Variants in HTR4 observed in about 807,000 individuals in gnomAD.
HTR4 encodes the protein 5-hydroxytryptamine receptor 4.
Under a neutral mutation model 36.8 loss-of-function variants are expected in HTR4, and 16 were observed. The observed-to-expected ratio is 0.43, with a 90% confidence interval of 0.29 to 0.66. HTR4 has a LOEUF of 0.66. HTR4 is among the 30% of genes least tolerant of loss of function. The pLI, the probability that HTR4 is intolerant of heterozygous loss-of-function variation, is 0.13. For missense variants in HTR4, 438 were observed against 490.9 expected (o/e 0.89, Z 1.02); for synonymous variants, 189 against 185.1 (o/e 1.02, Z -0.17).
In HTR4 at chr5:148,641,612, T is replaced by C. The variant is rs559172055; in HGVS notation, c.-47-4551A>G. On this transcript the variant is annotated intron_variant, in intron 1 of 6. Coordinates refer to ENST00000377888, the MANE Select transcript of HTR4 (RefSeq NM_000870.7). The stretch of plus-strand genomic sequence containing the variant: ...TCATAAAAGTAAAATTGCAGCAACA[T>C]ATAGCTCTATCAGATTCCCTTGAGC... Among the ~76,000 whole-genome samples, 5 of 152,336 alleles carry C rather than the reference T, an allele frequency of 3.3e-5. No homozygotes were observed. The South Asian group carries it at 1.0e-3, about 32-fold the overall frequency.
chr5:148,523,110 C>A, intron 5 of HTR4, 83 bp downstream of exon 5: 1 of 1,252,922 alleles, frequency 8.0e-7, no homozygotes, highest in Non-Finnish European at 1.1e-6. Context: ...TTAGAATACT[C>A]AATCTAATAT....
chr5:148,654,330 C>T lies in HTR4; in HGVS notation c.-316G>A, dbSNP rs1485403819. On this transcript the variant is annotated 5_prime_UTR_variant, in exon 1 of 7. Transcript: ENST00000377888. Reference sequence around the variant, plus strand: ...TCCTTCTCCCCAACCGAGCCGGACTCCACGGGCTCAACAGCCCCCAGCCCC... The same window carrying T: ...TCCTTCTCCCCAACCGAGCCGGACTTCACGGGCTCAACAGCCCCCAGCCCC... 1.0e-6 allele frequency: 1 copy of T among 984,714 alleles called. No individual in the cohort carries two copies. Among genetic ancestry groups the T allele is most frequent in the Admixed American group, 6.2e-5 (1 of 16,260 alleles). 61.0% of individuals were successfully genotyped at this position (984,714 alleles called of 1,614,324 possible). A position where few individuals can be genotyped will look rare whatever the true frequency, so the allele number is the denominator to read the frequency against.
intron 2 of HTR4, among the ~76,000 whole-genome samples, chr5:148,598,887 A>C (rs1561642102): frequency 6.6e-6 from 1 of 152,220 alleles, no homozygotes; most frequent in Non-Finnish European, 1.5e-5. Context: ...CATGTTCAAG[A>C]AAATAGACGA....
chr5:148,616,146 A>G (rs960459761), intron 2 of HTR4, among the ~76,000 whole-genome samples: 5 of 152,218 alleles, frequency 3.3e-5, no homozygotes, highest in Admixed American at 6.5e-5. Flanking sequence ...TTGTGAGTGA[A>G]CTGTCTTGAT....
At chr5:148,572,745 T>C (rs1386490943) in intron 2 of HTR4, among the ~76,000 whole-genome samples, 1 of 152,156 alleles carries the variant, frequency 6.6e-6, no homozygotes, top group Non-Finnish European at 1.5e-5. Flanking sequence ...TTTAGTACTC[T>C]TGACTCCAGT....
chr5:148,535,980 T>TAG (rs1369855969), intron 4 of HTR4, among the ~76,000 whole-genome samples: 1 of 150,846 alleles, frequency 6.6e-6, no homozygotes, highest in Admixed American at 6.6e-5. Context: ...TAAACACAGC[T>TAG]AGAGAGAGAG....
At chr5:148,650,136 T>A (rs893119343) in intron 1 of HTR4, among the ~76,000 whole-genome samples, 4 of 152,170 alleles carry the variant, frequency 2.6e-5, no homozygotes, top group Non-Finnish European at 4.4e-5. Flanking sequence ...TCATGTAAAA[T>A]GGGGTATTCA....
intron 1 of HTR4, among the ~76,000 whole-genome samples, chr5:148,649,942 A>T (rs763793769): frequency 3.3e-5 from 5 of 152,086 alleles, no homozygotes; most frequent in Non-Finnish European, 5.9e-5. Flanking sequence ...CAACATCATC[A>T]CCTGCGAACC....
chr5:148,606,888 T>G (rs1752187693), intron 2 of HTR4, among the ~76,000 whole-genome samples: 1 of 152,212 alleles, frequency 6.6e-6, no homozygotes, highest in South Asian at 2.1e-4. Flanking sequence ...TTAAAAGATT[T>G]GGATTCTTTA....
At chr5:148,642,971 A>G (rs1753772094) in intron 1 of HTR4, among the ~76,000 whole-genome samples, 1 of 152,182 alleles carries the variant, frequency 6.6e-6, no homozygotes, top group African/African-American at 2.4e-5. Flanking sequence ...GATTTAAAAA[A>G]AAAGAAGCCT....
At chr5:148,460,575 T>G (rs1217240494) in intron 5 of HTR4, among the ~76,000 whole-genome samples, 1 of 152,110 alleles carries the variant, frequency 6.6e-6, no homozygotes, top group African/African-American at 2.4e-5. Context: ...AATAAGAACT[T>G]TCTGGGACAA....
chr5:148,540,642 A>G (rs1463541646), intron 4 of HTR4, among the ~76,000 whole-genome samples: 1 of 151,840 alleles, frequency 6.6e-6, no homozygotes, highest in African/African-American at 2.4e-5. Context: ...ATTAGTTTAC[A>G]ATAAAAATGT....
chr5:148,505,329 A>G (rs572354621), intron 6 of HTR4, among the ~76,000 whole-genome samples: 71 of 152,342 alleles, frequency 4.7e-4, no homozygotes, highest in Middle Eastern at 3.4e-3. Flanking sequence ...ACAGCCCTTC[A>G]TGGTAAAAAC....
rs1755968222 is a variant in HTR4 at position 148,483,112 on chromosome 5, G to A, written c.*91C>T. ...GCGGACGGAAAGCCTCAGGTGAAGAGAATACCGGGTGCAGTCGCGCACAAG... is the reference window on the plus strand; with the variant it reads ...GCGGACGGAAAGCCTCAGGTGAAGAAAATACCGGGTGCAGTCGCGCACAAG... On this transcript the variant is annotated 3_prime_UTR_variant, in exon 7 of 7. Coordinates refer to ENST00000377888, the MANE Select transcript of HTR4 (RefSeq NM_000870.7). The A allele has an allele frequency of 1.3e-6, 2 of 1,585,546 alleles. No homozygotes were observed. Among genetic ancestry groups the A allele is most frequent in the African/African-American group, 2.7e-5 (2 of 74,370 alleles).
At chr5:148,647,290 C>A (rs1185483038) in intron 1 of HTR4, among the ~76,000 whole-genome samples, 1 of 152,142 alleles carries the variant, frequency 6.6e-6, no homozygotes, top group African/African-American at 2.4e-5. Context: ...AGAGTGCATT[C>A]ATTTTATGAA....
chr5:148,461,952 G>T (rs1755289711), intron 5 of HTR4: 1 of 151,954 alleles, frequency 6.6e-6, no homozygotes, highest in Non-Finnish European at 1.5e-5. Flanking sequence ...ATCTATAACA[G>T]AAAGATAGGT....
intron 4 of HTR4, among the ~76,000 whole-genome samples, chr5:148,542,101 A>G (rs902537763): frequency 6.6e-6 from 1 of 152,342 alleles, no homozygotes; most frequent in Non-Finnish European, 1.5e-5. Context: ...TACAATGTCC[A>G]GAACAACTCA....
chr5:148,519,460 G>T (rs1485726237), intron 5 of HTR4, among the ~76,000 whole-genome samples: 1 of 152,198 alleles, frequency 6.6e-6, no homozygotes, highest in Non-Finnish European at 1.5e-5. Context: ...AAGGAAGAAA[G>T]TCCCTGGAGT....
intron 1 of HTR4, among the ~76,000 whole-genome samples, chr5:148,640,265 GAAT>G (rs1410524293): frequency 6.6e-6 from 1 of 152,152 alleles, no homozygotes; most frequent in Non-Finnish European, 1.5e-5. Flanking sequence ...CTTTCTCTGA[GAAT>G]AATGTCTGGA....
Sources: allele counts gnomAD v4.1 joint callset (sites outside exome capture counted in the v4.1 genomes callset), GRCh38; gene constraint gnomAD v4.1.1; transcripts MANE v1.5; gene names NCBI Gene and HGNC (gene_info 2026-07-23, HGNC 2026-07-21).